Variants in FGF10 observed in about 807,000 individuals in gnomAD.
FGF10 encodes the protein FGF-10.
Under a neutral mutation model 19.8 loss-of-function variants are expected in FGF10, and 2 were observed. That is an observed-to-expected ratio of 0.10 (90% confidence interval 0.04 to 0.32). The LOEUF is 0.32. FGF10 is among the 10% of genes least tolerant of loss of function. The pLI is 1.00. For synonymous variants in FGF10, 112 were observed against 94.0 expected, an observed-to-expected ratio of 1.19 and a Z score of -1.10; for missense variants, 191 against 246.3, an observed-to-expected ratio of 0.78 and a Z score of 1.50.
At chr5:44,378,518 G>A (rs1023789829) in intron 1 of FGF10, among the ~76,000 whole-genome samples, 1 of 152,152 alleles carries the variant, frequency 6.6e-6, no homozygotes, top group African/African-American at 2.4e-5. Flanking sequence ...TGCAAGCTCT[G>A]CCTCCCGGGT....
intron 1 of FGF10, among the ~76,000 whole-genome samples, chr5:44,335,582 A>G (rs1337775911): frequency 6.6e-6 from 1 of 152,144 alleles, no homozygotes; most frequent in African/African-American, 2.4e-5. Flanking sequence ...TTATTAAGAA[A>G]GGCCAATTAC....
intron 1 of FGF10, among the ~76,000 whole-genome samples, chr5:44,310,793 T>C (rs1033313628): frequency 2.0e-5 from 3 of 152,080 alleles, no homozygotes; most frequent in African/African-American, 7.2e-5. Flanking sequence ...ACATAGAAAA[T>C]ATTGTTTTAA....
intron 1 of FGF10, among the ~76,000 whole-genome samples, chr5:44,363,669 A>G (rs1470708215): frequency 6.6e-6 from 1 of 151,924 alleles, no homozygotes; most frequent in African/African-American, 2.4e-5. Context: ...CATTGATAAT[A>G]TCTTTCTTCA....
chr5:44,367,938 A>T (rs1205844905), intron 1 of FGF10, among the ~76,000 whole-genome samples: 3 of 151,946 alleles, frequency 2.0e-5, no homozygotes, highest in Non-Finnish European at 4.4e-5. Context: ...AAGAACACAT[A>T]TGTTGATTAA....
intron 1 of FGF10, among the ~76,000 whole-genome samples, chr5:44,326,758 C>T (rs1740623600): frequency 6.6e-6 from 1 of 152,154 alleles, no homozygotes; most frequent in South Asian, 2.1e-4. Flanking sequence ...GCTGTACTAC[C>T]AGCACCGGGA....
intron 1 of FGF10, among the ~76,000 whole-genome samples, chr5:44,372,488 C>G (rs1741763216): frequency 6.6e-6 from 1 of 152,126 alleles, no homozygotes; most frequent in Admixed American, 6.6e-5. Flanking sequence ...GTCACACATT[C>G]CAGGGATTAC....
intron 1 of FGF10, among the ~76,000 whole-genome samples, chr5:44,354,300 T>C (rs1287614142): frequency 6.6e-6 from 1 of 151,506 alleles, no homozygotes; most frequent in African/African-American, 2.4e-5. Flanking sequence ...CTTAATATTA[T>C]AATTAATGGC....
intron 1 of FGF10, among the ~76,000 whole-genome samples, chr5:44,363,127 A>G (rs1228331131): frequency 6.6e-6 from 1 of 151,864 alleles, no homozygotes; most frequent in Non-Finnish European, 1.5e-5. Context: ...ACAGATGAAT[A>G]TGATTTCCTA....
intron 2 of FGF10, among the ~76,000 whole-genome samples, chr5:44,308,155 G>T (rs369503228): frequency 6.6e-6 from 1 of 152,112 alleles, no homozygotes; most frequent in Admixed American, 6.6e-5. Context: ...TTTAAATAAA[G>T]AATTTGAATG....
chr5:44,389,084 C>G lies in FGF10; in HGVS notation c.-402G>C, dbSNP rs1166792025. ...GAAAAACAGATGACAGCACGGTGAA[C>G]AAAACCCAAGGGAGGTGGGGTGGGG... On this transcript the variant is annotated 5_prime_UTR_variant, in exon 1 of 3. Coordinates refer to ENST00000264664, the MANE Select transcript of FGF10 (RefSeq NM_004465.2). 1.9e-5 allele frequency: 6 copies of G among 319,512 alleles called. No homozygotes were observed. The East Asian group carries it at 3.8e-4, about 20-fold the overall frequency. 19.8% of individuals were successfully genotyped at this position (319,512 alleles called of 1,614,324 possible).
rs761396841 is a variant in FGF10 at position 44,388,710 on chromosome 5, T to G, written c.-28A>C. 1 of 1,611,652 alleles carries G rather than the reference T, an allele frequency of 6.2e-7. No individual in the cohort carries two copies. The highest frequency in any genetic ancestry group is 1.7e-5 in the Admixed American group (1 of 59,982). On this transcript the variant is annotated 5_prime_UTR_variant, in exon 1 of 3. Coordinates refer to ENST00000264664, the MANE Select transcript of FGF10 (RefSeq NM_004465.2). ...TACTGAAACTCTCGGCACTGGAAAT[T>G]GTCTCATCAGAAGGAACATACTGGA...
chr5:44,352,988 A>C lies in FGF10; in HGVS notation c.325+35370T>G, dbSNP rs1310523271. Among the ~76,000 whole-genome samples, 7 of 151,746 alleles carry C rather than the reference A, an allele frequency of 4.6e-5. No individual in the cohort carries two copies. In the East Asian group the frequency reaches 1.4e-3, roughly 30 times the overall value. ...ACGTTCTTAGAGAAAATGTTTTGTAATTTAAAAAAGATTTCTTAGTATGAC... is the reference window on the plus strand; with the variant it reads ...ACGTTCTTAGAGAAAATGTTTTGTACTTTAAAAAAGATTTCTTAGTATGAC... On this transcript the variant is annotated intron_variant, in intron 1 of 2. Transcript: ENST00000264664.
At chr5:44,373,165 A>C (rs563017899) in intron 1 of FGF10, among the ~76,000 whole-genome samples, 1 of 152,174 alleles carries the variant, frequency 6.6e-6, no homozygotes, top group African/African-American at 2.4e-5. Context: ...GATTCATGCC[A>C]TGAGAGGGTT....
chr5:44,357,559 T>C (rs1741377221), intron 1 of FGF10, among the ~76,000 whole-genome samples: 1 of 151,488 alleles, frequency 6.6e-6, no homozygotes, highest in African/African-American at 2.4e-5. Context: ...GTTTTACATT[T>C]TACTGAGAGG....
intron 1 of FGF10, among the ~76,000 whole-genome samples, chr5:44,359,688 T>C (rs1741431307): frequency 6.6e-6 from 1 of 151,524 alleles, no homozygotes; most frequent in South Asian, 2.1e-4. Context: ...CTTACTGGAC[T>C]GGAAAATCTC....
At chr5:44,346,140 A>C (rs1027767861) in intron 1 of FGF10, among the ~76,000 whole-genome samples, 1 of 151,732 alleles carries the variant, frequency 6.6e-6, no homozygotes, top group Non-Finnish European at 1.5e-5. Context: ...GCACAAAACA[A>C]CACCACTTAC....
intron 1 of FGF10, among the ~76,000 whole-genome samples, chr5:44,352,508 T>G (rs1741257881): frequency 6.6e-6 from 1 of 151,592 alleles, no homozygotes; most frequent in African/African-American, 2.4e-5. Context: ...AGACAGCTAA[T>G]TTTTGAGATC....
At chr5:44,349,454 AT>A (rs1455213623) in intron 1 of FGF10, among the ~76,000 whole-genome samples, 31 of 10,890 alleles carry the variant, frequency 2.8e-3, no homozygotes, top group East Asian at 0.015. Flanking sequence ...ATATATATAT[AT>A]ATATATATAT....
chr5:44,381,088 T>G (rs1421925350), intron 1 of FGF10, among the ~76,000 whole-genome samples: 2 of 152,078 alleles, frequency 1.3e-5, no homozygotes, highest in Non-Finnish European at 2.9e-5. Context: ...GAAGAGTTAT[T>G]GGGAGCAAAA....
Sources: allele counts gnomAD v4.1 joint callset (sites outside exome capture counted in the v4.1 genomes callset), GRCh38; gene constraint gnomAD v4.1.1; transcripts MANE v1.5; gene names NCBI Gene and HGNC (gene_info 2026-07-23, HGNC 2026-07-21).